KALRN: variants seen among roughly 807,000 people sequenced by gnomAD.
The protein encoded by KALRN is kalirin.
A neutral mutation model predicts 353.7 loss-of-function variants in KALRN; 70 were observed. The observed-to-expected ratio is 0.20, with a 90% CI of 0.16 to 0.24. KALRN has a LOEUF of 0.24. KALRN is among the 10% of genes least tolerant of loss of function. KALRN has a pLI of 1.00. For missense variants in KALRN, 2,791 were observed against 3,756.7 expected, an observed-to-expected ratio of 0.74 and a Z score of 6.72; for synonymous variants, 1,391 against 1,434.8, an observed-to-expected ratio of 0.97 and a Z score of 0.69.
chr3:124,617,382 C>T (rs2078733307), intron 34 of KALRN, among the ~76,000 whole-genome samples: 1 of 152,132 alleles, frequency 6.6e-6, no homozygotes, highest in African/African-American at 2.4e-5. Context: ...ATGGAGGAGA[C>T]CTCCTCTCAA....
intron 33 of KALRN, among the ~76,000 whole-genome samples, chr3:124,538,758 A>C (rs2068748643): frequency 1.3e-5 from 2 of 152,330 alleles, no homozygotes; most frequent in South Asian, 4.1e-4. Flanking sequence ...CTCCCACCAC[A>C]CTCACGCTGA....
At chr3:124,620,173 T>C (rs1268419170) in intron 34 of KALRN, among the ~76,000 whole-genome samples, 1 of 152,176 alleles carries the variant, frequency 6.6e-6, no homozygotes, top group African/African-American at 2.4e-5. Flanking sequence ...GAATCACAGC[T>C]CACTGCAGCC....
At chr3:124,414,830 C>T (rs2092405533) in intron 14 of KALRN, among the ~76,000 whole-genome samples, 1 of 152,168 alleles carries the variant, frequency 6.6e-6, no homozygotes, top group Non-Finnish European at 1.5e-5. Context: ...GGAGCTAAGG[C>T]CATCAACTAT....
At chr3:124,609,638 G>A (rs147791248) in intron 34 of KALRN, among the ~76,000 whole-genome samples, 145 of 152,294 alleles carry the variant, frequency 9.5e-4, no homozygotes, top group African/African-American at 3.4e-3. Flanking sequence ...AATCCATTCC[G>A]GCAGATGACT....
chr3:124,466,525 C>T (rs1302607253), intron 25 of KALRN, among the ~76,000 whole-genome samples: 1 of 152,198 alleles, frequency 6.6e-6, no homozygotes, highest in African/African-American at 2.4e-5. Flanking sequence ...CTGTGGACAG[C>T]TTTTTGTTTA....
intron 53 of KALRN, 23 bp downstream of exon 53, chr3:124,694,526 A>G: frequency 3.1e-6 from 5 of 1,606,208 alleles, no homozygotes; most frequent in Non-Finnish European, 4.3e-6. Flanking sequence ...CCCTAACATC[A>G]GCAACAGCAG....
At chr3:124,521,423 C>T (rs540739424) in intron 33 of KALRN, among the ~76,000 whole-genome samples, 1 of 152,228 alleles carries the variant, frequency 6.6e-6, no homozygotes, top group Admixed American at 6.5e-5. Flanking sequence ...ATGCTAGTTG[C>T]CCAAGCAATT....
At chr3:124,487,205 G>A (rs576134151) in intron 28 of KALRN, among the ~76,000 whole-genome samples, 2 of 152,282 alleles carry the variant, frequency 1.3e-5, no homozygotes, top group East Asian at 3.9e-4. Context: ...AAAATGAAAA[G>A]CCAACATTCT....
intron 3 of KALRN, among the ~76,000 whole-genome samples, chr3:124,252,672 C>T (rs1474741237): frequency 6.6e-6 from 1 of 152,216 alleles, no homozygotes; most frequent in Admixed American, 6.5e-5. Context: ...CAGAGGGTGA[C>T]TTCCAGTACA....
At chr3:124,321,629 C>CT (rs1189734466) in intron 6 of KALRN, among the ~76,000 whole-genome samples, 1 of 152,184 alleles carries the variant, frequency 6.6e-6, no homozygotes. Context: ...GCTCTCCATC[C>CT]TGTGATCTCC....
intron 28 of KALRN, among the ~76,000 whole-genome samples, chr3:124,485,285 A>G (rs937544322): frequency 1.3e-5 from 2 of 152,254 alleles, no homozygotes; most frequent in Non-Finnish European, 2.9e-5. Context: ...TCAACTATCC[A>G]CACTGCCAGT....
chr3:124,186,296 G>T (rs2074224768), intron 1 of KALRN, among the ~76,000 whole-genome samples: 1 of 152,132 alleles, frequency 6.6e-6, no homozygotes, highest in Non-Finnish European at 1.5e-5. Flanking sequence ...CAGTGGTTAG[G>T]TACATGGATT....
At chr3:124,662,767 A>T (rs1355534017) in intron 45 of KALRN, among the ~76,000 whole-genome samples, 2 of 152,226 alleles carry the variant, frequency 1.3e-5, no homozygotes, top group African/African-American at 2.4e-5. Flanking sequence ...CTTAAACAAC[A>T]GAGATTTATT....
At chr3:124,130,980 C>A (rs1010683096) in intron 1 of KALRN, among the ~76,000 whole-genome samples, 11 of 152,086 alleles carry the variant, frequency 7.2e-5, no homozygotes, top group African/African-American at 2.7e-4. Context: ...CATGAGGGAG[C>A]CTTCTGGGTA....
chr3:124,584,549 T>G, intron 34 of KALRN: 3 of 1,186,962 alleles, frequency 2.5e-6, no homozygotes, highest in Non-Finnish European at 3.3e-6. Context: ...CAGCGTTACA[T>G]GAGGCTCCGG....
intron 25 of KALRN, among the ~76,000 whole-genome samples, chr3:124,464,326 G>T (rs776912301): frequency 1.6e-4 from 24 of 152,260 alleles, no homozygotes; most frequent in Non-Finnish European, 2.8e-4. Flanking sequence ...AGTTTATAAG[G>T]GGAATGAATA....
chr3:124,632,457 G>T lies in KALRN; in HGVS notation c.5220G>T (p.Lys1740Asn), dbSNP rs1413978253. 1.2e-6 allele frequency: 2 copies of T among 1,613,994 alleles called. No homozygotes were observed. The highest frequency in any genetic ancestry group is 1.7e-5 in the Admixed American group (1 of 60,004). Residue 1740 changes from lysine to asparagine, a missense_variant, in exon 35 of 60, where the codon AAG becomes AAT. Transcript: ENST00000682506. ...YSHSSSENGG[K>N]SESVANLQAQ... ...ATTCCTCAAGCGAGAATGGAGGCAA[G>T]TCCGAGTCCGTGGCCAACCTGCAGG... is the stretch of plus-strand genomic sequence containing the variant.
intron 1 of KALRN, among the ~76,000 whole-genome samples, chr3:124,054,868 G>A (rs1332179277): frequency 6.6e-6 from 1 of 152,138 alleles, no homozygotes; most frequent in Non-Finnish European, 1.5e-5. Context: ...TAACTTTGTG[G>A]GTTGTGATTA....
intron 1 of KALRN, among the ~76,000 whole-genome samples, chr3:124,130,172 C>T (rs1423776878): frequency 1.3e-5 from 2 of 152,070 alleles, no homozygotes; most frequent in South Asian, 2.1e-4. Flanking sequence ...CTGATTGGGC[C>T]GTCTTTAATA....
Sources: allele counts gnomAD v4.1 joint callset (sites outside exome capture counted in the v4.1 genomes callset), GRCh38; gene constraint gnomAD v4.1.1; transcripts MANE v1.5; gene names NCBI Gene and HGNC (gene_info 2026-07-23, HGNC 2026-07-21).